Variants in MUC5AC observed in about 807,000 individuals in gnomAD.
MUC5AC encodes mucin 5AC, oligomeric mucus/gel-forming, also known as mucin-5AC.
Under a neutral mutation model 169.7 loss-of-function variants are expected in MUC5AC, and 158 were observed. That is an observed-to-expected ratio of 0.93 (90% CI 0.82 to 1.06). The LOEUF (loss-of-function observed/expected upper bound fraction) is 1.06. Among genes scored for constraint, MUC5AC ranks in the 50% least tolerant of loss-of-function variants. MUC5AC has a pLI of 0.00. For missense variants in MUC5AC, 4,359 were observed against 3,089.9 expected (o/e 1.41, Z -9.74); for synonymous variants, 1,975 against 1,237.0 (o/e 1.60, Z -12.52).
rs1436166801 is a variant in MUC5AC, at chr11:1,185,007, C to G, written c.6862C>G (p.Pro2288Ala). Residue 2288 changes from proline (P) to alanine (A), a missense_variant, in exon 31 of 49, where the codon CCT (proline) becomes GCT (alanine). Pro to Ala is a conservative substitution (Grantham distance 27). Coordinates refer to ENST00000621226, the MANE Select transcript of MUC5AC (RefSeq NM_001304359.2). Reference sequence around the variant, plus strand: ...TCCTACAGCCAGAACAACCTCTGCTCCTACAACCAGAACAACCTCTGCCTC... The same window carrying G: ...TCCTACAGCCAGAACAACCTCTGCTGCTACAACCAGAACAACCTCTGCCTC... ...SAPTARTTSA[P>A]TTRTTSASPA... 1 of 685,972 alleles carries G rather than the reference C, an allele frequency of 1.5e-6. No homozygotes were observed. The highest frequency in any genetic ancestry group is 2.7e-6 in the Non-Finnish European group (1 of 376,004). The allele number at this position is 685,972 out of a possible 1,614,324, so 42.5% of individuals were successfully genotyped here. A position where few individuals can be genotyped will look rare whatever the true frequency, so the allele number is the denominator to read the frequency against.
intron 16 of MUC5AC, among the ~76,000 whole-genome samples, chr11:1,173,437 C>A (rs1455939895): frequency 2.1e-5 from 3 of 142,342 alleles, no homozygotes; most frequent in South Asian, 2.2e-4. Flanking sequence ...ATTCATTCAT[C>A]CACTCATCCA....
chr11:1,186,801 C>T lies in MUC5AC; in HGVS notation c.8656C>T (p.Pro2886Ser), dbSNP rs1265226381. The T allele has an allele frequency of 1.1e-5, 8 of 738,154 alleles. No individual in the cohort carries two copies. The Admixed American group carries it at 1.4e-4, about 13-fold the overall frequency. The allele number at this position is 738,154 out of a possible 1,614,324, so 45.7% of individuals were successfully genotyped here. The change falls in exon 31 of 49, where the codon CCT becomes TCT. Residue 2886 changes from proline to serine, a missense_variant. Physicochemically the swap from Pro to Ser is moderately conservative, Grantham distance 74. Transcript: ENST00000621226. ...TTSGPGTTPS[P>S]VPTTSTTSAP... ...CTCTGGCCCTGGAACTACTCCCAGC[C>T]CTGTTCCCACCACCAGTACAACCTC...
chr11:1,196,311 T>C (rs574149234), intron 37 of MUC5AC, 77 bp from the exon 38 acceptor site: 10 of 744,760 alleles, frequency 1.3e-5, no homozygotes, highest in African/African-American at 1.7e-5. Flanking sequence ...CCGGAGCAGA[T>C]GTTGGTGCCC....
Position 1,171,950 on chromosome 11 carries a change from C to T in MUC5AC, c.1871-479C>T, listed in dbSNP as rs933231315. Among the ~76,000 whole-genome samples, 973 of 142,204 alleles carry T rather than the reference C, an allele frequency of 6.8e-3. 5 individuals are homozygous for T. Among genetic ancestry groups the T allele is most frequent in the South Asian group, 0.024 (107 of 4,464 alleles). 93.3% of individuals were successfully genotyped at this position (142,204 alleles called of 152,430 possible). A position where few individuals can be genotyped will look rare whatever the true frequency, so the allele number is the denominator to read the frequency against. ...ACTCACTCATCCACTCATTCACTCA[C>T]TCACTCACTCACTCACTCACTCACT... On this transcript the variant is annotated intron_variant, in intron 15 of 48. Coordinates refer to ENST00000621226, the MANE Select transcript of MUC5AC (RefSeq NM_001304359.2).
At chr11:1,172,565 T>G (rs1860573545) in intron 16 of MUC5AC, 42 bp downstream of exon 16, 1 of 398,474 alleles carries the variant, frequency 2.5e-6, no homozygotes, top group African/African-American at 2.1e-5. Context: ...CTCCAGCCAC[T>G]GAGCCTCACG....
Position 1,182,438 on chromosome 11 carries a change from T to C in MUC5AC, c.4293T>C (p.Ala1431=), listed in dbSNP as rs878891580. ...CESPRSVECR[A]EDAPGVPLRA... ...CACCCAGGTCGGTGGAGTGCCGAGC[T>C]GAGGACGCCCCCGGAGTGCCGCTCC... The change falls in exon 31 of 49, where the codon GCT becomes GCC. Residue 1431 remains alanine, a synonymous_variant. Coordinates refer to ENST00000621226, the MANE Select transcript of MUC5AC (RefSeq NM_001304359.2). 0.43 allele frequency: 172,342 copies of C among 398,354 alleles called. 39,019 individuals carry two copies. Among genetic ancestry groups the C allele is most frequent in the African/African-American group, 0.66 (32,019 of 48,638 alleles). 24.7% of individuals were successfully genotyped at this position (398,354 alleles called of 1,614,324 possible). A position where few individuals can be genotyped will look rare whatever the true frequency, so the allele number is the denominator to read the frequency against.
chr11:1,198,232 G>A (rs1223083244), intron 42 of MUC5AC, 36 bp from the exon 43 acceptor site: 4 of 736,656 alleles, frequency 5.4e-6, no homozygotes, highest in African/African-American at 3.4e-5. Context: ...GAGAGTGGGC[G>A]GCGGGGGGTG....
At position 1,179,174 on chromosome 11, in the gene MUC5AC, C is replaced by T. The variant is rs1472528820; in HGVS notation, c.3410C>T (p.Thr1137Met). 1.3e-5 allele frequency: 9 copies of T among 680,988 alleles called. No individual in the cohort carries two copies. Among genetic ancestry groups the T allele is most frequent in the East Asian group, 8.1e-5 (3 of 36,952 alleles). 42.2% of individuals were successfully genotyped at this position (680,988 alleles called of 1,614,324 possible). ...GGGGGTGACTGCGAGTGCTTCTGCACGGCTGTGGCCGCCTACGCCCAGGCC... is the reference window on the plus strand; with the variant it reads ...GGGGGTGACTGCGAGTGCTTCTGCATGGCTGTGGCCGCCTACGCCCAGGCC... ...DSGGDCECFC[T>M]AVAAYAQACH... Residue 1137 changes from threonine (T) to methionine (M), a missense_variant, in exon 26 of 49, where the codon ACG becomes ATG. Thr to Met is a moderately conservative substitution (Grantham distance 81). Coordinates refer to ENST00000621226, the MANE Select transcript of MUC5AC (RefSeq NM_001304359.2).
rs533123701 is a variant in MUC5AC at position 1,167,173 on chromosome 11, AAC to A, written c.1387-698_1387-697del. Reference sequence around the variant, plus strand: ...CTCCCTATGGTGAGACCCTGCACCCAACACACAGTCTCTGCACGATGAGACCC... The same window carrying A: ...CTCCCTATGGTGAGACCCTGCACCCAACACAGTCTCTGCACGATGAGACCC... On this transcript the variant is annotated intron_variant, in intron 11 of 48. Coordinates refer to ENST00000621226, the MANE Select transcript of MUC5AC (RefSeq NM_001304359.2). Among the ~76,000 whole-genome samples, 10 of 115,386 alleles carry A rather than the reference AAC, an allele frequency of 8.7e-5. No homozygotes were observed. In the South Asian group the frequency reaches 1.2e-3, roughly 14 times the overall value. The allele number at this position is 115,386 out of a possible 152,430, so 75.7% of individuals were successfully genotyped here. A position where few individuals can be genotyped will look rare whatever the true frequency, so the allele number is the denominator to read the frequency against.
chr11:1,171,493 TCACCCATTCACCCATTCACC>T, intron 15 of MUC5AC, among the ~76,000 whole-genome samples: 1 of 51,652 alleles, frequency 1.9e-5, no homozygotes, highest in South Asian at 7.5e-4. Context: ...ACCCACTCAC[TCACCCATTCACCCATTCACC>T]CACTCACTCA....
In MUC5AC at chr11:1,186,116, A is replaced by C; in HGVS notation, c.7971A>C (p.Gly2657=). The change falls in exon 31 of 49, where the codon GGA becomes GGC. Residue 2657 remains glycine, a synonymous_variant. Transcript: ENST00000621226. The part of the protein sequence containing the change: ...ASTTSTTSGP[G]TTPSPVPTTS... ...CAACTAGCACAACCTCTGGTCCTGG[A>C]ACTACTCCCAGCCCTGTTCCTACCA... is the stretch of plus-strand genomic sequence containing the variant. 1.3e-6 allele frequency: 1 copy of C among 745,282 alleles called. No individual in the cohort carries two copies. Among genetic ancestry groups the C allele is most frequent in the Non-Finnish European group, 2.5e-6 (1 of 407,044 alleles). The allele number at this position is 745,282 out of a possible 1,614,324, so 46.2% of individuals were successfully genotyped here.
chr11:1,192,757 G>A (rs778258672), intron 31 of MUC5AC, 26 bp from the exon 32 acceptor site: 10 of 742,966 alleles, frequency 1.3e-5, no homozygotes, highest in Admixed American at 1.0e-4. Context: ...CTCCACTAAA[G>A]GCTGCCATGT....
At position 1,181,301 on chromosome 11, in the gene MUC5AC, T is replaced by C. The variant is rs955821384; in HGVS notation, c.3851T>C (p.Phe1284Ser). 4.3e-4 allele frequency: 170 copies of C among 398,332 alleles called. 1 individual carries two copies. Among genetic ancestry groups the C allele is most frequent in the Non-Finnish European group, 6.8e-4 (154 of 226,054 alleles). 24.7% of individuals were successfully genotyped at this position (398,332 alleles called of 1,614,324 possible). ...ACVCTYNGQR[F>S]HPGDVIYHTT... ...GTCTGCACCTACAATGGACAGCGCTTCCACCCAGGGGACGTCATCTACCAC... is the reference window on the plus strand; with the variant it reads ...GTCTGCACCTACAATGGACAGCGCTCCCACCCAGGGGACGTCATCTACCAC... Residue 1284 changes from phenylalanine to serine, a missense_variant, in exon 30 of 49, where the codon TTC becomes TCC. By Grantham distance (155) the Phe-to-Ser change is radical. Transcript: ENST00000621226.
chr11:1,160,744 G>A (rs1860118873), intron 2 of MUC5AC, 55 bp downstream of exon 2: 8 of 1,534,698 alleles, frequency 5.2e-6, no homozygotes, highest in Admixed American at 3.6e-5. Context: ...ACCCTCCACC[G>A]TGTGGCACGG....
chr11:1,176,660 C>A lies in MUC5AC; in HGVS notation c.2649C>A (p.Asn883Lys), dbSNP rs1860696010. 1 of 398,682 alleles carries A rather than the reference C, an allele frequency of 2.5e-6. No homozygotes were observed. The highest frequency in any genetic ancestry group is 2.1e-5 in the African/African-American group (1 of 48,754). 24.7% of individuals were successfully genotyped at this position (398,682 alleles called of 1,614,324 possible). The stretch of plus-strand genomic sequence containing the variant: ...GCCAGACCATCCGGGTGGGCTGCAA[C>A]ACCTGGTATGCCGGGGGCTCAAAGC... Reference protein sequence around the residue: ...RAGQTIRVGCNTCTCDSRMWR... With the variant: ...RAGQTIRVGCKTCTCDSRMWR... The change falls in exon 21 of 49, where the codon AAC (asparagine) becomes AAA (lysine). Residue 883 changes from asparagine (N) to lysine (K), a missense_variant. Asn to Lys is a moderately conservative substitution (Grantham distance 94). Transcript: ENST00000621226.
intron 35 of MUC5AC, 45 bp downstream of exon 35, chr11:1,194,715 C>T (rs779969827): frequency 5.9e-5 from 42 of 708,692 alleles, no homozygotes; most frequent in South Asian, 1.2e-4. Flanking sequence ...TTCGCGGGGG[C>T]GGGGGTGCCG....
intron 11 of MUC5AC, 98 bp downstream of exon 11, chr11:1,165,858 T>A (rs1168821727): frequency 6.5e-7 from 1 of 1,538,496 alleles, no homozygotes; most frequent in Non-Finnish European, 8.8e-7. Flanking sequence ...CTGCTGCCCC[T>A]GGGGTCACCC....
rs972445186 is a variant in MUC5AC, at chr11:1,175,987, T to C, written c.2402-164T>C. ...GTTATGCAACGCTCACACCCACTCA[T>C]GGACACGCTCACACACCCACTCATG... On this transcript the variant is annotated intron_variant, in intron 19 of 48. Coordinates refer to ENST00000621226, the MANE Select transcript of MUC5AC (RefSeq NM_001304359.2). Among the ~76,000 whole-genome samples, 71 of 143,308 alleles carry C rather than the reference T, an allele frequency of 5.0e-4. No homozygotes were observed. The East Asian group carries it at 0.014, about 28-fold the overall frequency. 94.0% of individuals were successfully genotyped at this position (143,308 alleles called of 152,430 possible). A position where few individuals can be genotyped will look rare whatever the true frequency, so the allele number is the denominator to read the frequency against.
intron 2 of MUC5AC, 89 bp from the exon 3 acceptor site, chr11:1,161,438 C>T (rs1371213417): frequency 9.1e-6 from 10 of 1,101,228 alleles, no homozygotes; most frequent in Non-Finnish European, 9.9e-6. Flanking sequence ...GGAGCTGGGA[C>T]CTGCTGACTC....
Sources: gnomAD v4.1 joint callset for allele counts (sites outside exome capture counted in the v4.1 genomes callset) on GRCh38, gnomAD v4.1.1 for gene constraint, MANE v1.5 for transcripts, NCBI Gene and HGNC (gene_info 2026-07-23, HGNC 2026-07-21) for gene names.